MCM5: variants seen among roughly 807,000 people sequenced by gnomAD.
MCM5 encodes the protein minichromosome maintenance complex component 5.
MCM5 carries 46 observed loss-of-function variants against 79.9 expected under a neutral mutation model. The ratio of observed to expected loss-of-function variants is 0.58; its 90% CI spans 0.45 to 0.74. The LOEUF (loss-of-function observed/expected upper bound fraction) is 0.74, where lower values mean the gene tolerates loss of function less well. Among genes scored for constraint, MCM5 ranks in the 30% least tolerant of loss-of-function variants. The pLI, the probability that MCM5 is intolerant of heterozygous loss-of-function variation, is 0.00. For synonymous variants in MCM5, 404 were observed against 390.5 expected, an observed-to-expected ratio of 1.03 and a Z score of -0.41; for missense variants, 883 against 1,017.0, an observed-to-expected ratio of 0.87 and a Z score of 1.79.
rs987818752 is a variant in MCM5, at chr22:35,425,310, C to G, written c.*1055C>G. 1 of 152,022 alleles carries G rather than the reference C, an allele frequency of 6.6e-6. No homozygotes were observed. Among genetic ancestry groups the G allele is most frequent in the Non-Finnish European group, 1.5e-5 (1 of 68,010 alleles). 9.4% of individuals were successfully genotyped at this position (152,022 alleles called of 1,614,324 possible). A position where few individuals can be genotyped will look rare whatever the true frequency, so the allele number is the denominator to read the frequency against. On this transcript the variant is annotated 3_prime_UTR_variant, in exon 17 of 17. Coordinates refer to ENST00000216122, the MANE Select transcript of MCM5 (RefSeq NM_006739.4). ...TAGAAATACAAAGTGTCAAGCAAAACGTGAATTTGGAAATCTATGGAACAT... is the reference window on the plus strand; with the variant it reads ...TAGAAATACAAAGTGTCAAGCAAAAGGTGAATTTGGAAATCTATGGAACAT...
chr22:35,432,243 A>G, the MCM5 span, among the ~76,000 whole-genome samples: 2 of 152,234 alleles, frequency 1.3e-5, no homozygotes, highest in Non-Finnish European at 2.9e-5. Flanking sequence ...AAAGAACGTC[A>G]GCGCCAGCAT....
chr22:35,443,248 G>A, the MCM5 span, among the ~76,000 whole-genome samples: 6 of 152,266 alleles, frequency 3.9e-5, no homozygotes, highest in South Asian at 2.1e-4. Context: ...GTGCAGTGGC[G>A]TGATCTCAGC....
chr22:35,447,201 T>C, the MCM5 span, among the ~76,000 whole-genome samples: 6 of 152,062 alleles, frequency 3.9e-5, no homozygotes, highest in Non-Finnish European at 7.4e-5. Flanking sequence ...GACATGAAGC[T>C]GTGTGGGAAA....
chr22:35,450,726 G>A, the MCM5 span, among the ~76,000 whole-genome samples: 1 of 152,216 alleles, frequency 6.6e-6, no homozygotes, highest in Non-Finnish European at 1.5e-5. Context: ...CTGAGGCCTC[G>A]TCTGGGGCTC....
chr22:35,424,539 A>G lies in MCM5; in HGVS notation c.*284A>G. 3.2e-6 allele frequency: 1 copy of G among 316,066 alleles called. No individual in the cohort carries two copies. The highest frequency in any genetic ancestry group is 5.8e-6 in the Non-Finnish European group (1 of 171,594). 19.6% of individuals were successfully genotyped at this position (316,066 alleles called of 1,614,324 possible). The stretch of plus-strand genomic sequence containing the variant: ...GTGCACTCGGTGACCTGTCACCTCC[A>G]TCGTGCCCTCATGGCAGGGTAAGTG... On this transcript the variant is annotated 3_prime_UTR_variant, in exon 17 of 17. Transcript: ENST00000216122.
intron 6 of MCM5, chr22:35,410,350 TC>T: frequency 4.6e-6 from 1 of 217,850 alleles, no homozygotes; most frequent in Non-Finnish European, 9.6e-6. Context: ...GAAGAGGAAG[TC>T]TTGCCCTGAG....
rs575195087 is a variant in MCM5 at position 35,424,360 on chromosome 22, C to T, written c.*105C>T. ...GGACCTCTGCCTCCCCACTGCAGCC[C>T]TCGAACTTCCCAGGCACCCTCCTTT... On this transcript the variant is annotated 3_prime_UTR_variant, in exon 17 of 17. Coordinates refer to ENST00000216122, the MANE Select transcript of MCM5 (RefSeq NM_006739.4). The T allele has an allele frequency of 3.0e-5, 24 of 810,296 alleles. No individual in the cohort carries two copies. The African/African-American group carries it at 3.6e-4, about 12-fold the overall frequency. 50.2% of individuals were successfully genotyped at this position (810,296 alleles called of 1,614,324 possible). A position where few individuals can be genotyped will look rare whatever the true frequency, so the allele number is the denominator to read the frequency against.
At position 35,424,265 on chromosome 22, in the gene MCM5, C is replaced by T. The variant is rs1243093215; in HGVS notation, c.*10C>T. ...CTACCGCCTCAAGTGAGTCGCGCCG[C>T]CTCACTGGACTCATGGACTCGCCCA... On this transcript the variant is annotated 3_prime_UTR_variant, in exon 17 of 17. Coordinates refer to ENST00000216122, the MANE Select transcript of MCM5 (RefSeq NM_006739.4). The T allele has an allele frequency of 3.5e-5, 53 of 1,528,702 alleles. No individual in the cohort carries two copies. Among genetic ancestry groups the T allele is most frequent in the Non-Finnish European group, 4.7e-5 (53 of 1,130,736 alleles). The allele number at this position is 1,528,702 out of a possible 1,614,324, so 94.7% of individuals were successfully genotyped here. A position where few individuals can be genotyped will look rare whatever the true frequency, so the allele number is the denominator to read the frequency against.
chr22:35,434,437 A>C, the MCM5 span, among the ~76,000 whole-genome samples: 1 of 152,040 alleles, frequency 6.6e-6, no homozygotes, highest in Non-Finnish European at 1.5e-5. Context: ...CTCAGTATCC[A>C]TTTATCGGTC....
the MCM5 span, among the ~76,000 whole-genome samples, chr22:35,441,701 C>T: frequency 6.6e-6 from 1 of 152,044 alleles, no homozygotes; most frequent in Admixed American, 6.5e-5. Context: ...GCTTCAGTGG[C>T]TTATCAGGGA....
chr22:35,451,399 C>T, the MCM5 span, among the ~76,000 whole-genome samples: 1 of 152,242 alleles, frequency 6.6e-6, no homozygotes, highest in African/African-American at 2.4e-5. Context: ...CCTTGCCAGG[C>T]GGCTCTGCCA....
At chr22:35,415,713 G>A (rs1294075843) in intron 9 of MCM5, 116 bp from the exon 10 acceptor site, 2 of 1,177,328 alleles carry the variant, frequency 1.7e-6, no homozygotes, top group African/African-American at 3.0e-5. Flanking sequence ...TCTGTACCCT[G>A]CAGCCAGCTT....
intron 2 of MCM5, chr22:35,401,804 C>T: frequency 2.3e-6 from 1 of 434,546 alleles, no homozygotes; most frequent in South Asian, 1.6e-5. Flanking sequence ...TCATTTCCTC[C>T]ACAGAGGAAG....
At chr22:35,409,629 C>T (rs1360875113) in intron 6 of MCM5, 2 of 152,166 alleles carry the variant, frequency 1.3e-5, no homozygotes, top group African/African-American at 4.8e-5. Context: ...AGCTTGGGCC[C>T]CTCATAGTAA....
At chr22:35,427,585 A>C (rs1932786474), downstream of MCM5, among the ~76,000 whole-genome samples, 1 of 148,262 alleles carries the variant, frequency 6.7e-6, no homozygotes, top group Non-Finnish European at 1.5e-5. Flanking sequence ...TTTGGGGTAC[A>C]TGTGCAGAAC....
Position 35,403,399 on chromosome 22 carries a change from C to T in MCM5, c.295-15C>T, listed in dbSNP as rs757084870. The T allele has an allele frequency of 3.1e-6, 5 of 1,614,080 alleles. No individual in the cohort carries two copies. The highest frequency in any genetic ancestry group is 4.2e-6 in the Non-Finnish European group (5 of 1,180,040). ...GCCCCAGTTACTAATAGCCTGTGCCCTTCCCTTTCTCCAGCTGGAGGAAGC... is the reference window on the plus strand; with the variant it reads ...GCCCCAGTTACTAATAGCCTGTGCCTTTCCCTTTCTCCAGCTGGAGGAAGC... On this transcript the variant is annotated splice_polypyrimidine_tract_variant and intron_variant, in intron 3 of 16. Coordinates refer to ENST00000216122, the MANE Select transcript of MCM5 (RefSeq NM_006739.4).
At position 35,400,217 on chromosome 22, in the gene MCM5, A is replaced by C; in HGVS notation, c.-9+9A>C. 1 of 565,318 alleles carries C rather than the reference A, an allele frequency of 1.8e-6. No homozygotes were observed. Among genetic ancestry groups the C allele is most frequent in the Non-Finnish European group, 3.2e-6 (1 of 314,404 alleles). 35.0% of individuals were successfully genotyped at this position (565,318 alleles called of 1,614,324 possible). A position where few individuals can be genotyped will look rare whatever the true frequency, so the allele number is the denominator to read the frequency against. On this transcript the variant is annotated intron_variant, in intron 1 of 16. Coordinates refer to ENST00000216122, the MANE Select transcript of MCM5 (RefSeq NM_006739.4). ...AGTGCGGAAAACCAGAGGTGAGGCT[A>C]GTGGGAGTGGGACTGGGACTGGGAG...
chr22:35,449,848 C>T, the MCM5 span, among the ~76,000 whole-genome samples: 1 of 152,162 alleles, frequency 6.6e-6, no homozygotes, highest in Non-Finnish European at 1.5e-5. Flanking sequence ...GTGACACAAT[C>T]ACTGTTCACT....
intron 6 of MCM5, chr22:35,410,401 G>A (rs1165037137): frequency 2.1e-5 from 7 of 329,994 alleles, no homozygotes; most frequent in Admixed American, 8.0e-5. Context: ...CAGCAGACAC[G>A]TGGAGATGGG....
Sources: allele counts gnomAD v4.1 joint callset (sites outside exome capture counted in the v4.1 genomes callset), GRCh38; gene constraint gnomAD v4.1.1; transcripts MANE v1.5; gene names NCBI Gene and HGNC (gene_info 2026-07-23, HGNC 2026-07-21).